The following DEPTOR variants were observed in gnomAD, a reference collection of about 807,000 sequenced individuals.
DEPTOR encodes DEP domain-containing mTOR-interacting protein.
A neutral mutation model predicts 41.6 loss-of-function variants in DEPTOR; 41 were observed. The ratio of observed to expected loss-of-function variants is 0.98; its 90% CI spans 0.77 to 1.28. The LOEUF is 1.28. Among genes scored for constraint, DEPTOR ranks in the 50% most tolerant of loss-of-function variants. The probability of loss-of-function intolerance (pLI) is 0.00; values close to 1 mark genes in which losing one functional copy is unlikely to be tolerated. For synonymous variants in DEPTOR, 195 were observed against 192.3 expected (o/e 1.01, Z -0.12); for missense variants, 514 against 527.9 (o/e 0.97, Z 0.26).
chr8:119,995,079 T>A (rs1812239168), intron 4 of DEPTOR, among the ~76,000 whole-genome samples: 1 of 152,096 alleles, frequency 6.6e-6, no homozygotes, highest in African/African-American at 2.4e-5. Flanking sequence ...GTGAAGTCAA[T>A]CTTTAGAAGT....
chr8:119,928,374 A>G (rs937108429), intron 1 of DEPTOR, 26 bp from the exon 2 acceptor site: 2 of 1,603,642 alleles, frequency 1.2e-6, no homozygotes. Flanking sequence ...CAGAATTTCC[A>G]AAGTAATTGC....
chr8:119,987,753 T>A (rs115606634), intron 4 of DEPTOR, among the ~76,000 whole-genome samples: 1 of 152,122 alleles, frequency 6.6e-6, no homozygotes, highest in African/African-American at 2.4e-5. Flanking sequence ...CTGGCTACAA[T>A]GGGTTTGCAT....
At chr8:120,001,039 T>A (rs1223389154) in intron 4 of DEPTOR, among the ~76,000 whole-genome samples, 1 of 151,234 alleles carries the variant, frequency 6.6e-6, no homozygotes, top group Non-Finnish European at 1.5e-5. Context: ...ATCATGCCAT[T>A]GCACTCCAGC....
At chr8:120,023,573 A>T (rs992415341) in intron 8 of DEPTOR, among the ~76,000 whole-genome samples, 3 of 152,184 alleles carry the variant, frequency 2.0e-5, no homozygotes, top group African/African-American at 7.2e-5. Context: ...AAAGATAAAC[A>T]TGAGAGTGTC....
intron 1 of DEPTOR, among the ~76,000 whole-genome samples, chr8:119,913,492 A>G (rs147035419): frequency 7.4e-4 from 113 of 152,340 alleles, no homozygotes; most frequent in Middle Eastern, 3.4e-3. Context: ...GTGTCAGTCT[A>G]TAGCCCACAA....
chr8:119,995,730 TAA>T (rs920222508), intron 4 of DEPTOR, among the ~76,000 whole-genome samples: 10 of 152,182 alleles, frequency 6.6e-5, no homozygotes, highest in Non-Finnish European at 1.5e-4. Flanking sequence ...TTGGTGAGCA[TAA>T]AGAGATGAGC....
chr8:120,037,063 A>G (rs1812989136), intron 8 of DEPTOR, among the ~76,000 whole-genome samples: 2 of 152,232 alleles, frequency 1.3e-5, no homozygotes, highest in Non-Finnish European at 2.9e-5. Flanking sequence ...CAAAGACAGA[A>G]TCCCAACAGG....
chr8:119,986,643 C>A (rs1828834226), intron 4 of DEPTOR, among the ~76,000 whole-genome samples: 1 of 152,042 alleles, frequency 6.6e-6, no homozygotes, highest in Non-Finnish European at 1.5e-5. Context: ...GTTCCATTCT[C>A]CCTGTCACTT....
intron 1 of DEPTOR, among the ~76,000 whole-genome samples, chr8:119,883,643 G>C (rs1827328325): frequency 6.6e-6 from 1 of 152,084 alleles, no homozygotes; most frequent in Non-Finnish European, 1.5e-5. Flanking sequence ...GAGGCTCAAG[G>C]CTCAAGTCTT....
chr8:119,983,913 T>C (rs1828799083), intron 4 of DEPTOR, among the ~76,000 whole-genome samples: 1 of 152,234 alleles, frequency 6.6e-6, no homozygotes, highest in Non-Finnish European at 1.5e-5. Context: ...ACTTTATCTC[T>C]TCAGTCTCAA....
intron 4 of DEPTOR, among the ~76,000 whole-genome samples, chr8:119,992,656 ATTT>A (rs35642906): frequency 3.3e-4 from 44 of 133,754 alleles, no homozygotes; most frequent in African/African-American, 1.1e-3. Context: ...AGTAGAGTAA[ATTT>A]TTTTTTTTTT....
At chr8:119,962,056 C>T (rs1322225206) in intron 3 of DEPTOR, among the ~76,000 whole-genome samples, 1 of 123,754 alleles carries the variant, frequency 8.1e-6, no homozygotes, top group African/African-American at 3.1e-5. Context: ...GCATGGCCAA[C>T]ATGGTGAAAA....
chr8:119,874,008 T>C (rs747183025), intron 1 of DEPTOR, 40 bp downstream of exon 1: 3 of 1,610,940 alleles, frequency 1.9e-6, no homozygotes, highest in Middle Eastern at 1.7e-4. Context: ...ACGATGGCAC[T>C]GCCAACGCGT....
At chr8:119,888,407 A>C (rs946003597) in intron 1 of DEPTOR, among the ~76,000 whole-genome samples, 7 of 152,148 alleles carry the variant, frequency 4.6e-5, no homozygotes, top group African/African-American at 1.7e-4. Flanking sequence ...AAGCTATAGA[A>C]AAGATTGGAT....
At chr8:119,957,927 G>A (rs1828440543) in intron 3 of DEPTOR, among the ~76,000 whole-genome samples, 1 of 152,022 alleles carries the variant, frequency 6.6e-6, no homozygotes, top group Non-Finnish European at 1.5e-5. Flanking sequence ...ATCATTCCAT[G>A]TGGCTTTATT....
intron 8 of DEPTOR, among the ~76,000 whole-genome samples, chr8:120,048,506 T>G (rs1359396448): frequency 6.6e-6 from 1 of 152,130 alleles, no homozygotes; most frequent in African/African-American, 2.4e-5. Flanking sequence ...TGAAGACAAA[T>G]TTGTGGAACC....
chr8:119,925,439 CA>C (rs758970137), intron 1 of DEPTOR, among the ~76,000 whole-genome samples: 3 of 151,526 alleles, frequency 2.0e-5, no homozygotes, highest in East Asian at 1.9e-4. Context: ...AGAACAACAA[CA>C]AAAAAAACCC....
At chr8:120,003,794 T>C (rs1812392142) in intron 6 of DEPTOR, among the ~76,000 whole-genome samples, 1 of 152,178 alleles carries the variant, frequency 6.6e-6, no homozygotes, top group African/African-American at 2.4e-5. Context: ...TTGGTGAACA[T>C]GTACTTAGAA....
intron 1 of DEPTOR, among the ~76,000 whole-genome samples, chr8:119,921,089 G>C (rs573229509): frequency 2.8e-4 from 43 of 151,698 alleles, no homozygotes; most frequent in African/African-American, 1.0e-3. Context: ...GGATCCTCCC[G>C]CCTCAGCCGG....
Sources: allele counts gnomAD v4.1 joint callset (sites outside exome capture counted in the v4.1 genomes callset), GRCh38; gene constraint gnomAD v4.1.1; transcripts MANE v1.5; gene names NCBI Gene and HGNC (gene_info 2026-07-23, HGNC 2026-07-21).